NFIB: variants seen among roughly 807,000 people sequenced by gnomAD.
NFIB encodes the protein nuclear factor I B.
Under a neutral mutation model 61.5 loss-of-function variants are expected in NFIB, and 11 were observed. The observed-to-expected ratio is 0.18, with a 90% confidence interval of 0.11 to 0.30. The LOEUF is 0.30. NFIB is among the 10% of genes least tolerant of loss of function. NFIB has a pLI of 1.00. For synonymous variants in NFIB, 260 were observed against 216.5 expected, an observed-to-expected ratio of 1.20 and a Z score of -1.76; for missense variants, 471 against 608.9, an observed-to-expected ratio of 0.77 and a Z score of 2.38.
chr9:14,454,815 G>C, the NFIB span, among the ~76,000 whole-genome samples: 1,607 of 152,252 alleles, frequency 0.011, 29 homozygotes, highest in African/African-American at 0.037. Context: ...AATATAAGTG[G>C]AATTGACATG....
intron 6 of NFIB, among the ~76,000 whole-genome samples, chr9:14,134,907 A>AAAAAAAC (rs1563820767): frequency 7.9e-6 from 1 of 125,864 alleles, no homozygotes; most frequent in African/African-American, 3.0e-5. Context: ...CAAAAAAAAA[A>AAAAAAAC]AAAAAAAAAA....
At chr9:14,192,166 C>T (rs548152898) in intron 2 of NFIB, among the ~76,000 whole-genome samples, 1 of 152,280 alleles carries the variant, frequency 6.6e-6, no homozygotes, top group Non-Finnish European at 1.5e-5. Flanking sequence ...CAGACAAGAT[C>T]AAATTCTTCT....
At chr9:14,179,242 T>C (rs567212735) in intron 3 of NFIB, among the ~76,000 whole-genome samples, 1 of 152,240 alleles carries the variant, frequency 6.6e-6, no homozygotes, top group East Asian at 1.9e-4. Context: ...TATTTCCTGA[T>C]TCTGGAGATC....
chr9:14,334,669 A>T lies in NFIB; in HGVS notation c.109-27149T>A, dbSNP rs963575423. 6.6e-5 allele frequency among the ~76,000 whole-genome samples: 10 copies of T among 152,156 alleles called. No homozygotes were observed. In the East Asian group the frequency reaches 7.7e-4, roughly 12 times the overall value. ...CTTTTAATGTTGCAATATTTTTTTT[A>T]AAAAAACATGTTTATTCAGGTGTAA... On this transcript the variant is annotated intron_variant, in intron 1 of 8. Coordinates refer to the NFIB transcript ENST00000380934.
intron 1 of NFIB, among the ~76,000 whole-genome samples, chr9:14,360,148 G>C (rs1207290800): frequency 6.6e-6 from 1 of 152,154 alleles, no homozygotes; most frequent in African/African-American, 2.4e-5. Flanking sequence ...ATAGCAAACA[G>C]TGAACAACTT....
At chr9:14,357,782 T>C (rs2061193153) in intron 1 of NFIB, 1 of 152,200 alleles carries the variant, frequency 6.6e-6, no homozygotes, top group Non-Finnish European at 1.5e-5. Context: ...ACGTGGGATA[T>C]ACGTGTAATG....
In NFIB at chr9:14,150,265, G is replaced by A. The variant is rs750267071; in HGVS notation, c.686C>T (p.Thr229Met). ...GACTCCAGTTCCCTGGGTTATGGGC[G>A]CTGAGGAATAAGACAAAGAAGCACT... ...NVSELVRVSR[T>M]PITQGTGVNF... The change falls in exon 5 of 11, where the codon ACG becomes ATG. Residue 229 changes from threonine to methionine, a missense_variant and splice_region_variant. By Grantham distance (81) the Thr-to-Met change is moderately conservative. Around this residue, in one of 2 missense-constraint regions of NFIB, gnomAD observed 372 missense variants for 395.6 expected, o/e 0.94. Transcript: ENST00000380953. 6.2e-6 allele frequency: 10 copies of A among 1,613,150 alleles called. No homozygotes were observed. The highest frequency in any genetic ancestry group is 4.5e-5 in the East Asian group (2 of 44,848).
At chr9:14,209,263 A>G (rs543150691) in intron 2 of NFIB, among the ~76,000 whole-genome samples, 2 of 152,328 alleles carry the variant, frequency 1.3e-5, no homozygotes, top group East Asian at 3.9e-4. Flanking sequence ...GTATTTCTTT[A>G]AAGTTCACGT....
At chr9:14,391,767 C>T (rs1227681211) in intron 1 of NFIB, among the ~76,000 whole-genome samples, 1 of 152,146 alleles carries the variant, frequency 6.6e-6, no homozygotes, top group Non-Finnish European at 1.5e-5. Flanking sequence ...ATGTATAAAA[C>T]CCCAAGTCCA....
chr9:14,358,550 G>A (rs1053290731), intron 1 of NFIB, among the ~76,000 whole-genome samples: 3 of 152,146 alleles, frequency 2.0e-5, no homozygotes, highest in African/African-American at 7.2e-5. Context: ...ATTAAAATAT[G>A]TTGAAACAAT....
chr9:14,359,813 A>T (rs2061217756), intron 1 of NFIB, among the ~76,000 whole-genome samples: 1 of 152,120 alleles, frequency 6.6e-6, no homozygotes, highest in Non-Finnish European at 1.5e-5. Flanking sequence ...CTATGAATGA[A>T]AGCAGCGCAG....
intron 1 of NFIB, among the ~76,000 whole-genome samples, chr9:14,394,177 G>T (rs1398962889): frequency 1.3e-5 from 2 of 152,116 alleles, no homozygotes; most frequent in African/African-American, 4.8e-5. Flanking sequence ...TCTAGTGGGG[G>T]AAAAACAGCC....
At chr9:14,183,440 G>A (rs1371731187) in intron 2 of NFIB, among the ~76,000 whole-genome samples, 1 of 149,338 alleles carries the variant, frequency 6.7e-6, no homozygotes, top group Non-Finnish European at 1.5e-5. Flanking sequence ...GTCTTGCTCT[G>A]TCACCCAGGC....
the NFIB span, among the ~76,000 whole-genome samples, chr9:14,485,625 A>G: frequency 6.6e-6 from 1 of 152,226 alleles, no homozygotes; most frequent in African/African-American, 2.4e-5. Context: ...CTGTAATCCC[A>G]GCACTTTGAG....
At chr9:14,324,498 A>G (rs1000357451) in intron 1 of NFIB, among the ~76,000 whole-genome samples, 1 of 152,196 alleles carries the variant, frequency 6.6e-6, no homozygotes, top group African/African-American at 2.4e-5. Flanking sequence ...CAGCAGAATT[A>G]CCAATCCCTC....
In NFIB at chr9:14,299,028, G is replaced by C. The variant is rs139263022; in HGVS notation, c.562+7961C>G. ...CAGATGTCAGAATAATAAAATACAA[G>C]TTGTCCTACGAAGGAACATTTTTTA... On this transcript the variant is annotated intron_variant, in intron 2 of 10. Transcript: ENST00000380953. 2.0e-3 allele frequency among the ~76,000 whole-genome samples: 310 copies of C among 152,238 alleles called. 1 individual carries two copies. Among genetic ancestry groups the C allele is most frequent in the African/African-American group, 7.1e-3 (293 of 41,540 alleles).
intron 2 of NFIB, among the ~76,000 whole-genome samples, chr9:14,187,131 A>G (rs1299336434): frequency 6.6e-6 from 1 of 151,178 alleles, no homozygotes; most frequent in Non-Finnish European, 1.5e-5. Flanking sequence ...TCTCTTTTCA[A>G]TAGGGCATTA....
intron 2 of NFIB, among the ~76,000 whole-genome samples, chr9:14,199,676 A>G (rs983992557): frequency 6.6e-6 from 1 of 152,228 alleles, no homozygotes; most frequent in African/African-American, 2.4e-5. Context: ...GTTTTAGCTA[A>G]TAAGACTTCC....
chr9:14,516,873 T>A, the NFIB span, among the ~76,000 whole-genome samples: 3 of 152,248 alleles, frequency 2.0e-5, no homozygotes, highest in African/African-American at 7.2e-5. Flanking sequence ...TACCTAAATC[T>A]GCATGGTGTT....
Sources: allele counts gnomAD v4.1 joint callset (sites outside exome capture counted in the v4.1 genomes callset), GRCh38; gene constraint gnomAD v4.1.1; regional missense constraint gnomAD v4.1.1; transcripts MANE v1.5; gene names NCBI Gene and HGNC (gene_info 2026-07-23, HGNC 2026-07-21).